The following ZNF248 variants were observed in gnomAD, a reference collection of about 807,000 sequenced individuals.
The protein encoded by ZNF248 is zinc finger protein 248, also known as KRAB protein domain.
Under a neutral mutation model 44.3 loss-of-function variants are expected in ZNF248, and 20 were observed. That is an observed-to-expected ratio of 0.45 (90% CI 0.32 to 0.66). The LOEUF (loss-of-function observed/expected upper bound fraction) is 0.66. Ranked by LOEUF, ZNF248 falls within the 30% of genes least tolerant of loss-of-function variation. The pLI, the probability that ZNF248 is intolerant of heterozygous loss-of-function variation, is 0.04. For missense variants in ZNF248, 654 were observed against 677.0 expected (o/e 0.97, Z 0.38); for synonymous variants, 224 against 229.0 (o/e 0.98, Z 0.20).
At chr10:37,811,271 G>A (rs2133393671) in intron 6 of ZNF248, among the ~76,000 whole-genome samples, 1 of 152,314 alleles carries the variant, frequency 6.6e-6, no homozygotes, top group Admixed American at 6.5e-5. Flanking sequence ...CACTGCAGCT[G>A]TGCCACAGGT....
chr10:37,845,554 A>T (rs974573505), intron 3 of ZNF248, among the ~76,000 whole-genome samples: 19 of 152,090 alleles, frequency 1.2e-4, no homozygotes, highest in African/African-American at 3.9e-4. Context: ...AAAAACAAAA[A>T]CTCAAAGGTA....
At chr10:37,827,040 C>T (rs2054487982), downstream of ZNF248, among the ~76,000 whole-genome samples, 1 of 152,196 alleles carries the variant, frequency 6.6e-6, no homozygotes, top group African/African-American at 2.4e-5. Flanking sequence ...AAGACTTATT[C>T]TCCCAGTAAT....
At chr10:37,814,055 G>A (rs778306522) in intron 6 of ZNF248, among the ~76,000 whole-genome samples, 2 of 151,966 alleles carry the variant, frequency 1.3e-5, no homozygotes, top group Non-Finnish European at 1.5e-5. Flanking sequence ...CTATCATTGC[G>A]CTTTTGTTTT....
chr10:37,799,514 G>T (rs1339348880), intron 6 of ZNF248, among the ~76,000 whole-genome samples: 1 of 152,198 alleles, frequency 6.6e-6, no homozygotes, highest in African/African-American at 2.4e-5. Context: ...AGCTGAGATC[G>T]CGCCACTGCA....
chr10:37,767,566 G>C, the ZNF248 span, among the ~76,000 whole-genome samples: 1 of 152,140 alleles, frequency 6.6e-6, no homozygotes, highest in Non-Finnish European at 1.5e-5. Context: ...TTACAGACAA[G>C]TAAATGCTGA....
intron 6 of ZNF248, among the ~76,000 whole-genome samples, chr10:37,810,784 C>T (rs545425175): frequency 6.6e-6 from 1 of 152,134 alleles, no homozygotes; most frequent in African/African-American, 2.4e-5. Flanking sequence ...CATTAGCTGT[C>T]AAGAGAAATG....
chr10:37,779,740 C>T (rs1053328833), intron 6 of ZNF248, among the ~76,000 whole-genome samples: 71 of 150,730 alleles, frequency 4.7e-4, no homozygotes, highest in East Asian at 9.7e-4. Context: ...TGTTTGCAGA[C>T]GACATGATTG....
intron 3 of ZNF248, among the ~76,000 whole-genome samples, chr10:37,851,248 C>T (rs1290441165): frequency 6.6e-6 from 1 of 152,154 alleles, no homozygotes; most frequent in Non-Finnish European, 1.5e-5. Flanking sequence ...TTTACGAAGA[C>T]AAAAGGTATC....
chr10:37,777,396 TC>T (rs2046701841), intron 6 of ZNF248, among the ~76,000 whole-genome samples: 3 of 152,160 alleles, frequency 2.0e-5, no homozygotes, highest in Non-Finnish European at 4.4e-5. Context: ...ACCCGTAGCT[TC>T]CTTTCTGATT....
the ZNF248 span, among the ~76,000 whole-genome samples, chr10:37,760,317 CT>C: frequency 6.6e-6 from 1 of 152,160 alleles, no homozygotes; most frequent in African/African-American, 2.4e-5. Context: ...GTAGTCTCAA[CT>C]TCCCTGAGCT....
At chr10:37,778,432 A>AT (rs1382845340) in intron 6 of ZNF248, among the ~76,000 whole-genome samples, 1 of 151,812 alleles carries the variant, frequency 6.6e-6, no homozygotes, top group Non-Finnish European at 1.5e-5. Flanking sequence ...GATTCTGGAT[A>AT]TTAGCCCTTT....
At chr10:37,797,048 AC>A (rs1564482964) in intron 6 of ZNF248, among the ~76,000 whole-genome samples, 2 of 152,160 alleles carry the variant, frequency 1.3e-5, no homozygotes, top group African/African-American at 2.4e-5. Context: ...AATCCTCACA[AC>A]CCTTTGAGAT....
At position 37,832,495 on chromosome 10, in the gene ZNF248, T is replaced by C; in HGVS notation, c.860A>G (p.His287Arg). The C allele has an allele frequency of 6.2e-7, 1 of 1,613,976 alleles. No homozygotes were observed. Among genetic ancestry groups the C allele is most frequent in the South Asian group, 1.1e-5 (1 of 91,074 alleles). Residue 287 changes from histidine (H) to arginine (R), a missense_variant, in exon 6 of 6, where the codon CAT (histidine) becomes CGT (arginine). His to Arg is a conservative substitution (Grantham distance 29, BLOSUM62 0). Coordinates refer to ENST00000395867, the MANE Select transcript of ZNF248 (RefSeq NM_021045.3). The stretch of plus-strand genomic sequence containing the variant: ...ATTGTCCTTTGTAAGAGCTCTCTGA[T>C]GTCCAAACCTTAAATTCATGCAGAA... Reference protein sequence around the residue: ...KSFCMNLRFGHQRALTKDNPY... With the variant: ...KSFCMNLRFGRQRALTKDNPY...
intron 6 of ZNF248, chr10:37,821,090 G>T: frequency 1.7e-6 from 1 of 604,252 alleles, no homozygotes; most frequent in Non-Finnish European, 2.9e-6. Flanking sequence ...GTCTACAGAG[G>T]TCCTCATGCT....
Position 37,832,818 on chromosome 10 carries a change from C to A in ZNF248, c.537G>T (p.Arg179Ser), listed in dbSNP as rs1208842948. Residue 179 changes from arginine (R) to serine (S), a missense_variant, in exon 6 of 6, where the codon AGG (arginine) becomes AGT (serine). Transcript: ENST00000395867. The part of the protein sequence containing the change: ...NVCEKLLLDI[R>S]HEKIPIGEKS... The stretch of plus-strand genomic sequence containing the variant: ...TCTCTCCAATAGGGATTTTCTCATG[C>A]CTAATATCAAGGAGCAATTTCTCAC... The A allele has an allele frequency of 6.2e-7, 1 of 1,613,820 alleles. No individual in the cohort carries two copies. The highest frequency in any genetic ancestry group is 8.5e-7 in the Non-Finnish European group (1 of 1,179,852).
intron 6 of ZNF248, among the ~76,000 whole-genome samples, chr10:37,793,131 A>T (rs2048753844): frequency 1.3e-5 from 2 of 152,104 alleles, no homozygotes; most frequent in African/African-American, 4.8e-5. Flanking sequence ...CAGGAGATCA[A>T]GACCGGTTTG....
At chr10:37,802,744 G>A (rs2049982492) in intron 6 of ZNF248, 1 of 152,136 alleles carries the variant, frequency 6.6e-6, no homozygotes, top group Admixed American at 6.6e-5. Context: ...TTTTAACTCA[G>A]TTGCAGTTTC....
chr10:37,823,701 G>A (rs567635355), intron 6 of ZNF248, among the ~76,000 whole-genome samples: 6 of 151,980 alleles, frequency 3.9e-5, no homozygotes, highest in Non-Finnish European at 8.8e-5. Context: ...AGCCTCCTGA[G>A]TACCTAGGGC....
chr10:37,760,121 T>G, the ZNF248 span, among the ~76,000 whole-genome samples: 2 of 152,256 alleles, frequency 1.3e-5, no homozygotes, highest in South Asian at 4.1e-4. Flanking sequence ...CCAATCAGAA[T>G]GCAAAACTTT....
Sources: gnomAD v4.1 joint callset for allele counts (sites outside exome capture counted in the v4.1 genomes callset) on GRCh38, gnomAD v4.1.1 for gene constraint, MANE v1.5 for transcripts, NCBI Gene and HGNC (gene_info 2026-07-23, HGNC 2026-07-21) for gene names.